RGS9: variants seen among roughly 807,000 people sequenced by gnomAD.
RGS9 encodes the protein regulator of G protein signaling 9.
A neutral mutation model predicts 102.0 loss-of-function variants in RGS9; 78 were observed. The ratio of observed to expected loss-of-function variants is 0.76; its 90% CI spans 0.64 to 0.92. The LOEUF is 0.92. Ranked by LOEUF, RGS9 falls within the 40% of genes least tolerant of loss-of-function variation. The probability of loss-of-function intolerance (pLI) is 0.00; values close to 1 mark genes in which losing one functional copy is unlikely to be tolerated. For missense variants in RGS9, 833 were observed against 866.1 expected, an observed-to-expected ratio of 0.96 and a Z score of 0.48; for synonymous variants, 353 against 318.6, an observed-to-expected ratio of 1.11 and a Z score of -1.15.
At chr17:65,178,480 CTATTTATT>C (rs146258319) in intron 9 of RGS9, among the ~76,000 whole-genome samples, 2,466 of 150,376 alleles carry the variant, frequency 0.016, 64 homozygotes, top group African/African-American at 0.056. Flanking sequence ...TTTTTTTTTC[CTATTTATT>C]TATTTATTTA....
chr17:65,155,017 T>C (rs1910715991), intron 2 of RGS9, among the ~76,000 whole-genome samples: 1 of 152,210 alleles, frequency 6.6e-6, no homozygotes. Context: ...TCAGGTTTCC[T>C]TGCATGCAAG....
At chr17:65,187,414 T>C (rs1213288944) in intron 9 of RGS9, among the ~76,000 whole-genome samples, 1 of 152,218 alleles carries the variant, frequency 6.6e-6, no homozygotes, top group East Asian at 1.9e-4. Flanking sequence ...CTTTCTGAGA[T>C]AACTCTTCCT....
intron 17 of RGS9, among the ~76,000 whole-genome samples, chr17:65,220,743 A>C (rs1913679282): frequency 6.6e-6 from 1 of 152,154 alleles, no homozygotes; most frequent in Non-Finnish European, 1.5e-5. Context: ...CAGAAAATGA[A>C]TTTCATCTCT....
chr17:65,204,183 C>T lies in RGS9; in HGVS notation c.1085C>T (p.Ala362Val), dbSNP rs781732660. ...CCCAGGCTGTTCCTGGCCCCGGGGGCGAGGCGCTGGATCAACATAGATGGC... is the reference window on the plus strand; with the variant it reads ...CCCAGGCTGTTCCTGGCCCCGGGGGTGAGGCGCTGGATCAACATAGATGGC... Reference protein sequence around the residue: ...EIYKLFLAPGARRWINIDGKT... With the variant: ...EIYKLFLAPGVRRWINIDGKT... Residue 362 changes from alanine to valine, a missense_variant, in exon 15 of 19, where the codon GCG becomes GTG. Around this residue, in one of 3 missense-constraint regions of RGS9, gnomAD observed 185 missense variants for 248.7 expected, o/e 0.74. Transcript: ENST00000262406. 4.3e-6 allele frequency: 7 copies of T among 1,612,554 alleles called. No individual in the cohort carries two copies. Among genetic ancestry groups the T allele is most frequent in the Admixed American group, 3.3e-5 (2 of 60,002 alleles).
intron 9 of RGS9, chr17:65,188,811 T>G (rs112109847): frequency 0.041 from 7,267 of 178,436 alleles, 255 homozygotes; most frequent in African/African-American, 0.088. Flanking sequence ...GACGGGGTTT[T>G]GTCATGTTGC....
Position 65,151,579 on chromosome 17 carries a change from C to T in RGS9, c.58-1843C>T, listed in dbSNP as rs1172713145. 5.3e-5 allele frequency among the ~76,000 whole-genome samples: 8 copies of T among 152,312 alleles called. No individual in the cohort carries two copies. The South Asian group carries it at 8.3e-4, about 16-fold the overall frequency. ...TATCTCTGACCCTGTCTCTTCTGAACCTGGGGCAGTCATTTCCAATCACCT... is the reference window on the plus strand; with the variant it reads ...TATCTCTGACCCTGTCTCTTCTGAATCTGGGGCAGTCATTTCCAATCACCT... On this transcript the variant is annotated intron_variant, in intron 1 of 18. Transcript: ENST00000262406.
chr17:65,160,260 T>A lies in RGS9; in HGVS notation c.233T>A (p.Val78Asp). The A allele has an allele frequency of 6.2e-7, 1 of 1,614,182 alleles. No homozygotes were observed. Among genetic ancestry groups the A allele is most frequent in the Non-Finnish European group, 8.5e-7 (1 of 1,179,990 alleles). Residue 78 changes from valine to aspartate, a missense_variant, in exon 4 of 19, where the codon GTC becomes GAC. Transcript: ENST00000262406. Reference protein sequence around the residue: ...LEAQNLGNFIVRYGYIYPLQD... With the variant: ...LEAQNLGNFIDRYGYIYPLQD... ...GCACAGAACTTGGGCAACTTTATTG[T>A]CAGGTATGGCTACATTTACCCCCTG...
In RGS9 at chr17:65,207,972, C is replaced by T. The variant is rs1165785538; in HGVS notation, c.1254C>T (p.Ala418=). Residue 418 remains alanine, a synonymous_variant, in exon 16 of 19, where the codon GCC becomes GCT. Transcript: ENST00000262406. ...LKSPIYKDML[A]KAIEPQETTK... is the part of the protein sequence containing the mutation. Reference sequence around the variant, plus strand: ...CTCCGATCTATAAGGACATGCTGGCCAAAGCTATTGAACCTCAGGAAACCA... The same window carrying T: ...CTCCGATCTATAAGGACATGCTGGCTAAAGCTATTGAACCTCAGGAAACCA... 1 of 1,613,168 alleles carries T rather than the reference C, an allele frequency of 6.2e-7. No individual in the cohort carries two copies. Among genetic ancestry groups the T allele is most frequent in the East Asian group, 2.2e-5 (1 of 44,860 alleles).
chr17:65,164,368 A>G (rs905792102), intron 7 of RGS9, among the ~76,000 whole-genome samples: 1 of 152,234 alleles, frequency 6.6e-6, no homozygotes, highest in African/African-American at 2.4e-5. Context: ...AAGCAGGTCA[A>G]CGTCAAAGGT....
intron 14 of RGS9, among the ~76,000 whole-genome samples, chr17:65,203,423 C>T (rs540424681): frequency 6.6e-6 from 1 of 152,330 alleles, no homozygotes; most frequent in East Asian, 1.9e-4. Flanking sequence ...AGCCCGCTGC[C>T]TCTGCCATTA....
rs114108984 is a variant in RGS9 at position 65,224,647 on chromosome 17, A to G, written c.1408-355A>G. ...CAGGGCATGGGCTGTGGCAGGTACT[A>G]TGCATTGCTCATTTGGGGACTGGAG... is the stretch of plus-strand genomic sequence containing the variant. On this transcript the variant is annotated intron_variant, in intron 17 of 18. Coordinates refer to ENST00000262406, the MANE Select transcript of RGS9 (RefSeq NM_003835.4). Among the ~76,000 whole-genome samples the G allele has an allele frequency of 9.8e-3, 1,486 of 152,218 alleles. 23 individuals are homozygous for G. Among genetic ancestry groups the G allele is most frequent in the African/African-American group, 0.034 (1,432 of 41,542 alleles).
chr17:65,167,173 T>C (rs947741784), intron 7 of RGS9, among the ~76,000 whole-genome samples: 1 of 152,082 alleles, frequency 6.6e-6, no homozygotes, highest in African/African-American at 2.4e-5. Context: ...GACTGAGAGA[T>C]AAAAAGGAAA....
intron 9 of RGS9, chr17:65,180,166 CCT>C (rs1911816727): frequency 6.6e-6 from 1 of 152,202 alleles, no homozygotes; most frequent in African/African-American, 2.4e-5. Context: ...CTGCGAGTCC[CCT>C]GTGTTCCCGG....
chr17:65,151,533 G>A (rs764499870), intron 1 of RGS9, among the ~76,000 whole-genome samples: 9 of 152,154 alleles, frequency 5.9e-5, no homozygotes, highest in Non-Finnish European at 8.8e-5. Flanking sequence ...AACTCTCCCT[G>A]ACATTCATGG....
intron 12 of RGS9, among the ~76,000 whole-genome samples, chr17:65,194,331 T>C (rs1256262700): frequency 6.6e-6 from 1 of 152,214 alleles, no homozygotes; most frequent in Non-Finnish European, 1.5e-5. Context: ...TTCTGCCTTT[T>C]AGCTATTATG....
intron 15 of RGS9, among the ~76,000 whole-genome samples, chr17:65,207,688 C>T (rs1464194928): frequency 6.6e-6 from 1 of 152,136 alleles, no homozygotes; most frequent in Non-Finnish European, 1.5e-5. Context: ...AGTTTCTCAT[C>T]AGGACGGCTG....
intron 12 of RGS9, among the ~76,000 whole-genome samples, chr17:65,195,297 G>A (rs1912541774): frequency 6.6e-6 from 1 of 152,184 alleles, no homozygotes; most frequent in Non-Finnish European, 1.5e-5. Flanking sequence ...GCATGGTATT[G>A]AAGACAGGTA....
intron 17 of RGS9, among the ~76,000 whole-genome samples, chr17:65,215,484 CTT>C (rs1567893197): frequency 8.7e-5 from 10 of 115,026 alleles, no homozygotes; most frequent in African/African-American, 2.4e-4. Flanking sequence ...CTCTATCTTT[CTT>C]TCGTTCTTTC....
At chr17:65,220,086 A>G (rs544722144) in intron 17 of RGS9, among the ~76,000 whole-genome samples, 7 of 152,096 alleles carry the variant, frequency 4.6e-5, no homozygotes, top group Admixed American at 3.9e-4. Context: ...CCTCACCATC[A>G]CCATCACCAT....
Sources: gnomAD v4.1 joint callset for allele counts (sites outside exome capture counted in the v4.1 genomes callset) on GRCh38, gnomAD v4.1.1 for gene constraint, gnomAD v4.1.1 regional missense constraint, MANE v1.5 for transcripts, NCBI Gene and HGNC (gene_info 2026-07-23, HGNC 2026-07-21) for gene names.